Variants in LRRC4C observed in about 807,000 individuals in gnomAD.
LRRC4C encodes leucine-rich repeat-containing protein 4C.
LRRC4C carries 5 observed loss-of-function variants against 33.6 expected under a neutral mutation model. That is an observed-to-expected ratio of 0.15 (90% CI 0.08 to 0.31). The LOEUF (loss-of-function observed/expected upper bound fraction) is 0.31. LRRC4C is among the 10% of genes least tolerant of loss of function. LRRC4C has a pLI of 1.00. For synonymous variants in LRRC4C, 329 were observed against 302.0 expected, an observed-to-expected ratio of 1.09 and a Z score of -0.93; for missense variants, 560 against 796.7, an observed-to-expected ratio of 0.70 and a Z score of 3.58.
chr11:40,376,658 A>C (rs1948670948), intron 3 of LRRC4C, among the ~76,000 whole-genome samples: 1 of 152,084 alleles, frequency 6.6e-6, no homozygotes, highest in Non-Finnish European at 1.5e-5. Context: ...AGGAATTTGC[A>C]AGTGTTCCTT....
chr11:41,398,195 G>C (rs916570217), intron 1 of LRRC4C, among the ~76,000 whole-genome samples: 12 of 151,916 alleles, frequency 7.9e-5, no homozygotes, highest in African/African-American at 2.9e-4. Flanking sequence ...TACTGCCTCA[G>C]GGGTCACATT....
At chr11:41,353,245 G>T (rs763048203) in intron 1 of LRRC4C, among the ~76,000 whole-genome samples, 1 of 151,890 alleles carries the variant, frequency 6.6e-6, no homozygotes, top group Non-Finnish European at 1.5e-5. Flanking sequence ...GAACACCACT[G>T]TGCACACAAA....
intron 1 of LRRC4C, among the ~76,000 whole-genome samples, chr11:41,164,304 A>G (rs1944622227): frequency 6.6e-6 from 1 of 151,328 alleles, no homozygotes; most frequent in African/African-American, 2.4e-5. Flanking sequence ...CCACTTCCAC[A>G]TCTTGTTCCA....
chr11:41,084,320 A>G (rs1939797234), intron 1 of LRRC4C, among the ~76,000 whole-genome samples: 3 of 152,294 alleles, frequency 2.0e-5, no homozygotes, highest in Admixed American at 2.0e-4. Context: ...AAATTACTTA[A>G]TCTCTCTGAG....
intron 3 of LRRC4C, among the ~76,000 whole-genome samples, chr11:40,539,106 T>C (rs1956599399): frequency 6.6e-6 from 1 of 152,186 alleles, no homozygotes; most frequent in African/African-American, 2.4e-5. Context: ...ACCAAGCTTT[T>C]TCAGTGGTCA....
intron 3 of LRRC4C, among the ~76,000 whole-genome samples, chr11:40,599,501 C>G (rs1247039489): frequency 6.6e-6 from 1 of 152,084 alleles, no homozygotes; most frequent in Non-Finnish European, 1.5e-5. Context: ...ATTTATTAGT[C>G]ATTATCAAGG....
intron 3 of LRRC4C, among the ~76,000 whole-genome samples, chr11:40,467,137 T>C (rs572065220): frequency 6.6e-6 from 1 of 152,212 alleles, no homozygotes; most frequent in East Asian, 1.9e-4. Context: ...TTATGAATTA[T>C]GGACTCTTAG....
chr11:40,851,557 T>A (rs1953498851), intron 2 of LRRC4C, among the ~76,000 whole-genome samples: 2 of 152,168 alleles, frequency 1.3e-5, no homozygotes, highest in Admixed American at 6.5e-5. Flanking sequence ...TGCTGGAAGC[T>A]GTAGACCGGA....
At chr11:40,608,476 A>G (rs1960865927) in intron 3 of LRRC4C, among the ~76,000 whole-genome samples, 2 of 152,102 alleles carry the variant, frequency 1.3e-5, no homozygotes, top group Admixed American at 1.3e-4. Context: ...GAAAAAGGAG[A>G]GACAAAAAGC....
At chr11:41,174,863 A>T (rs1021839787) in intron 1 of LRRC4C, among the ~76,000 whole-genome samples, 8 of 152,090 alleles carry the variant, frequency 5.3e-5, no homozygotes, top group Non-Finnish European at 1.2e-4. Context: ...TCTAAAACTG[A>T]ACCATTTTTC....
intron 3 of LRRC4C, among the ~76,000 whole-genome samples, chr11:40,455,330 C>T (rs1017650728): frequency 5.9e-5 from 9 of 152,298 alleles, no homozygotes; most frequent in South Asian, 2.1e-4. Flanking sequence ...CATCCTCACT[C>T]CTGTGTCCCT....
chr11:41,131,840 C>T (rs1423480548), intron 1 of LRRC4C, among the ~76,000 whole-genome samples: 3 of 152,094 alleles, frequency 2.0e-5, no homozygotes, highest in African/African-American at 7.2e-5. Flanking sequence ...TGTTAAAAGA[C>T]ACACCCATCA....
intron 1 of LRRC4C, among the ~76,000 whole-genome samples, chr11:41,433,093 T>G (rs1421942769): frequency 6.6e-6 from 1 of 152,074 alleles, no homozygotes; most frequent in East Asian, 1.9e-4. Context: ...CCCCAAGTAA[T>G]AGCCCAAAAT....
At chr11:40,268,948 T>C (rs1478627214) in intron 4 of LRRC4C, among the ~76,000 whole-genome samples, 4 of 152,188 alleles carry the variant, frequency 2.6e-5, no homozygotes, top group Non-Finnish European at 4.4e-5. Flanking sequence ...AAGCCTATTG[T>C]TTTCGCCCTG....
At chr11:40,147,933 C>A (rs1440965033) in intron 5 of LRRC4C, among the ~76,000 whole-genome samples, 3 of 152,014 alleles carry the variant, frequency 2.0e-5, no homozygotes, top group African/African-American at 7.2e-5. Context: ...TGTGTTGTTC[C>A]CCTCTGTGTG....
chr11:40,480,425 A>G (rs1031871429), intron 3 of LRRC4C, among the ~76,000 whole-genome samples: 16 of 152,184 alleles, frequency 1.1e-4, no homozygotes, highest in African/African-American at 3.8e-4. Context: ...TGGGAGCTGA[A>G]CGGTGAGTAC....
At chr11:40,705,142 G>C (rs551203303) in intron 2 of LRRC4C, among the ~76,000 whole-genome samples, 1 of 152,220 alleles carries the variant, frequency 6.6e-6, no homozygotes, top group South Asian at 2.1e-4. Flanking sequence ...AAAGTAACTT[G>C]CTCAAGGTCT....
intron 3 of LRRC4C, among the ~76,000 whole-genome samples, chr11:40,531,041 C>T (rs1324835097): frequency 6.6e-6 from 1 of 152,090 alleles, no homozygotes; most frequent in Non-Finnish European, 1.5e-5. Context: ...ACTATTGGCA[C>T]ATAGTAAATC....
At chr11:40,770,135 GA>G (rs1949685405) in intron 2 of LRRC4C, among the ~76,000 whole-genome samples, 1 of 152,156 alleles carries the variant, frequency 6.6e-6, no homozygotes, top group Admixed American at 6.6e-5. Flanking sequence ...CTGCTATAAA[GA>G]ACTGCCCGAG....
Sources: allele counts gnomAD v4.1 joint callset (sites outside exome capture counted in the v4.1 genomes callset), GRCh38; gene constraint gnomAD v4.1.1; transcripts MANE v1.5; gene names NCBI Gene and HGNC (gene_info 2026-07-23, HGNC 2026-07-21).